The following KRT86 variants were observed in gnomAD, a reference collection of about 807,000 sequenced individuals.
The protein encoded by KRT86 is keratin, type II cuticular Hb6.
A neutral mutation model predicts 41.2 loss-of-function variants in KRT86; 30 were observed. The observed-to-expected ratio is 0.73, with a 90% confidence interval of 0.54 to 0.99. The LOEUF is 0.99. KRT86 is among the 50% of genes least tolerant of loss of function. The pLI, the probability that KRT86 is intolerant of heterozygous loss-of-function variation, is 0.00. For missense variants in KRT86, 561 were observed against 571.4 expected, an observed-to-expected ratio of 0.98 and a Z score of 0.19; for synonymous variants, 238 against 238.1, an observed-to-expected ratio of 1.00 and a Z score of 0.00.
intron 2 of KRT86, among the ~76,000 whole-genome samples, chr12:52,282,449 G>A (rs1314281075): frequency 6.6e-6 from 1 of 151,624 alleles, no homozygotes; most frequent in Non-Finnish European, 1.5e-5. Context: ...TGTTAGCCAG[G>A]ATGGTCTCGA....
intron 2 of KRT86, among the ~76,000 whole-genome samples, chr12:52,294,725 A>G (rs1938210633): frequency 6.6e-6 from 1 of 152,196 alleles, no homozygotes; most frequent in Admixed American, 6.5e-5. Context: ...CCTTGTTCTG[A>G]TTGTACCCTA....
Position 52,308,434 on chromosome 12 carries a change from G to C in KRT86, c.1310G>C (p.Cys437Ser), listed in dbSNP as rs767957618. The C allele has an allele frequency of 3.7e-6, 6 of 1,611,892 alleles. No homozygotes were observed. The African/African-American group carries it at 8.0e-5, about 22-fold the overall frequency. Residue 437 changes from cysteine to serine, a missense_variant, in exon 11 of 11, where the codon TGT (cysteine) becomes TCT (serine). Coordinates refer to ENST00000423955, the MANE Select transcript of KRT86 (RefSeq NM_001320198.2). The stretch of plus-strand genomic sequence containing the variant: ...AGCAGCTCCCGCGGTGGCGTTGTCT[G>C]TGGCGATCTCTGCGCCTCCACTACT... The part of the protein sequence containing the change: ...CVSSSRGGVV[C>S]GDLCASTTAP...
At chr12:52,305,931 C>A in intron 8 of KRT86, 129 bp from the exon 9 acceptor site, 1 of 1,571,288 alleles carries the variant, frequency 6.4e-7, no homozygotes, top group Non-Finnish European at 8.7e-7. Context: ...CTCTGTGAGT[C>A]CCAGGTGATG....
At chr12:52,281,637 C>A (rs376229770) in intron 2 of KRT86, among the ~76,000 whole-genome samples, 17 of 152,318 alleles carry the variant, frequency 1.1e-4, no homozygotes, top group African/African-American at 3.8e-4. Flanking sequence ...TGTTCCCAGT[C>A]TTATTCTTAC....
rs551565850 is a variant in KRT86 at position 52,281,317 on chromosome 12, A to G, written c.-5+5371A>G. 2.1e-4 allele frequency among the ~76,000 whole-genome samples: 32 copies of G among 152,326 alleles called. No individual in the cohort carries two copies. In the South Asian group the frequency reaches 6.4e-3, roughly 31 times the overall value. ...GCATGCCTGCCTCACACTCCGTTGTATTTAAACATGTCAGATGCTAACTTG... is the reference window on the plus strand; with the variant it reads ...GCATGCCTGCCTCACACTCCGTTGTGTTTAAACATGTCAGATGCTAACTTG... On this transcript the variant is annotated intron_variant, in intron 2 of 10. Coordinates refer to ENST00000423955, the MANE Select transcript of KRT86 (RefSeq NM_001320198.2).
At chr12:52,292,736 G>A (rs1938159927) in intron 2 of KRT86, among the ~76,000 whole-genome samples, 2 of 152,066 alleles carry the variant, frequency 1.3e-5, no homozygotes, top group South Asian at 2.1e-4. Context: ...CTAGAGGCTG[G>A]ATTAGGTTTA....
intron 2 of KRT86, among the ~76,000 whole-genome samples, chr12:52,295,915 G>T (rs1938238976): frequency 6.6e-6 from 1 of 152,026 alleles, no homozygotes; most frequent in Non-Finnish European, 1.5e-5. Flanking sequence ...GTGGAGAGGG[G>T]TGACCTTCCT....
chr12:52,308,556 G>T lies in KRT86; in HGVS notation c.1432G>T (p.Val478Phe), dbSNP rs779081505. 3 of 1,599,694 alleles carry T rather than the reference G, an allele frequency of 1.9e-6. No homozygotes were observed. Among genetic ancestry groups the T allele is most frequent in the East Asian group, 4.5e-5 (2 of 44,858 alleles). ...CTGCGCCCCCTCCGCCCGGGTTGGC[G>T]TCTGCGGCGGCAGCTGTAAGAGGTG... ...NACAPSARVG[V>F]CGGSCKRC is the part of the protein sequence containing the mutation. Residue 478 changes from valine (V) to phenylalanine (F), a missense_variant, in exon 11 of 11, where the codon GTC (valine) becomes TTC (phenylalanine). By Grantham distance (50) the Val-to-Phe change is conservative (BLOSUM62 -1). Transcript: ENST00000423955.
chr12:52,308,388 T>C lies in KRT86; in HGVS notation c.1280-16T>C, dbSNP rs375848665. The C allele has an allele frequency of 6.2e-7, 1 of 1,611,434 alleles. No individual in the cohort carries two copies. The highest frequency in any genetic ancestry group is 1.3e-5 in the African/African-American group (1 of 75,040). On this transcript the variant is annotated splice_polypyrimidine_tract_variant and intron_variant, in intron 10 of 10. Coordinates refer to ENST00000423955, the MANE Select transcript of KRT86 (RefSeq NM_001320198.2). ...CGGCTGCGCCTGACGCGCGCCTCCG[T>C]CTCTTTCCCCTGCAGGCGTCAGCAG...
intron 2 of KRT86, chr12:52,287,844 C>T (rs1393313750): frequency 6.2e-7 from 1 of 1,602,576 alleles, no homozygotes; most frequent in Non-Finnish European, 8.5e-7. Flanking sequence ...CAGTCCTGCC[C>T]TGCCACCCCA....
chr12:52,308,522 T>C lies in KRT86; in HGVS notation c.1398T>C (p.Thr466=). The change falls in exon 11 of 11, where the codon ACT becomes ACC. Residue 466 remains threonine, a synonymous_variant. Transcript: ENST00000423955. ...VPSNSNVVVG[T]TNACAPSARV... Reference sequence around the variant, plus strand: ...GCAACAGCAACGTGGTGGTGGGCACTACTAACGCCTGCGCCCCCTCCGCCC... The same window carrying C: ...GCAACAGCAACGTGGTGGTGGGCACCACTAACGCCTGCGCCCCCTCCGCCC... The C allele has an allele frequency of 6.2e-7, 1 of 1,604,542 alleles. No homozygotes were observed. The highest frequency in any genetic ancestry group is 1.1e-5 in the South Asian group (1 of 91,088).
At position 52,287,447 on chromosome 12, in the gene KRT86, C is replaced by T. The variant is rs1173054742; in HGVS notation, c.-5+11501C>T. On this transcript the variant is annotated intron_variant, in intron 2 of 10. Coordinates refer to ENST00000423955, the MANE Select transcript of KRT86 (RefSeq NM_001320198.2). ...GAACAGAGCCTCTTGCCTTTATCACCTGGGACTCATTGAGAGACCACGACC... is the reference window on the plus strand; with the variant it reads ...GAACAGAGCCTCTTGCCTTTATCACTTGGGACTCATTGAGAGACCACGACC... 1.7e-5 allele frequency: 27 copies of T among 1,571,588 alleles called. No individual in the cohort carries two copies. The Middle Eastern group carries it at 6.2e-4, about 36-fold the overall frequency.
At chr12:52,288,459 G>A in intron 2 of KRT86, 1 of 1,614,038 alleles carries the variant, frequency 6.2e-7, no homozygotes, top group Admixed American at 1.7e-5. Flanking sequence ...TCCACATCCT[G>A]GAAAGGTGGG....
chr12:52,286,396 C>T (rs1328898748), intron 2 of KRT86: 10 of 1,555,170 alleles, frequency 6.4e-6, no homozygotes, highest in South Asian at 1.2e-5. Context: ...CCGCCACGTT[C>T]CCGTTGCACG....
intron 2 of KRT86, chr12:52,287,038 C>T: frequency 6.2e-7 from 1 of 1,612,054 alleles, no homozygotes; most frequent in Non-Finnish European, 8.5e-7. Flanking sequence ...TCAGCCAAGG[C>T]CAAGGGTAGG....
chr12:52,292,697 C>T (rs146385493), intron 2 of KRT86, among the ~76,000 whole-genome samples: 5 of 152,046 alleles, frequency 3.3e-5, no homozygotes, highest in Non-Finnish European at 5.9e-5. Flanking sequence ...TGTTTATTTT[C>T]ACATAAAATT....
rs148041985 is a variant in KRT86, at chr12:52,287,698, C to T, written c.-5+11752C>T. On this transcript the variant is annotated intron_variant, in intron 2 of 10. Coordinates refer to ENST00000423955, the MANE Select transcript of KRT86 (RefSeq NM_001320198.2). ...GGCGCAGGGTCTCCCCGTGCCTGAT[C>T]ACCGTGGCCTTCATCTCCTCACACT... is the stretch of plus-strand genomic sequence containing the variant. The T allele has an allele frequency of 6.2e-6, 10 of 1,613,928 alleles. No individual in the cohort carries two copies. The African/African-American group carries it at 1.1e-4, about 17-fold the overall frequency.
At chr12:52,276,284 C>T (rs1363290392) in intron 2 of KRT86, among the ~76,000 whole-genome samples, 1 of 152,180 alleles carries the variant, frequency 6.6e-6, no homozygotes, top group African/African-American at 2.4e-5. Context: ...TCAGAAATTG[C>T]AAGATATTAC....
Position 52,308,856 on chromosome 12 carries a change from G to GT in KRT86, c.*279dup, listed in dbSNP as rs111847567. The stretch of plus-strand genomic sequence containing the variant: ...CATCTTTTTCTTCCGCCTGCCTTCT[G>GT]TTTTTTTTGCTGTATACATTGGTCT... On this transcript the variant is annotated 3_prime_UTR_variant, in exon 11 of 11. Transcript: ENST00000423955. The GT allele has an allele frequency of 0.13, 61,749 of 476,548 alleles. 4,591 individuals carry two copies. The highest frequency in any genetic ancestry group is 0.28 in the African/African-American group (13,867 of 49,192). The allele number at this position is 476,548 out of a possible 1,614,324, so 29.5% of individuals were successfully genotyped here. A position where few individuals can be genotyped will look rare whatever the true frequency, so the allele number is the denominator to read the frequency against.
Sources: gnomAD v4.1 joint callset for allele counts (sites outside exome capture counted in the v4.1 genomes callset) on GRCh38, gnomAD v4.1.1 for gene constraint, MANE v1.5 for transcripts, NCBI Gene and HGNC (gene_info 2026-07-23, HGNC 2026-07-21) for gene names.